TP53BP2: variants seen among roughly 807,000 people sequenced by gnomAD.
TP53BP2 encodes apoptosis-stimulating of p53 protein 2.
Under a neutral mutation model 126.2 loss-of-function variants are expected in TP53BP2, and 62 were observed. The observed-to-expected ratio is 0.49, with a 90% CI of 0.40 to 0.61. TP53BP2 has a LOEUF of 0.61. Among genes scored for constraint, TP53BP2 ranks in the 20% least tolerant of loss-of-function variants. TP53BP2 has a pLI of 0.00. For missense variants in TP53BP2, 1,215 were observed against 1,402.8 expected (o/e 0.87, Z 2.14); for synonymous variants, 485 against 502.9 (o/e 0.96, Z 0.48).
At chr1:223,786,129 A>G (rs958561145) in intron 16 of TP53BP2, among the ~76,000 whole-genome samples, 2 of 152,260 alleles carry the variant, frequency 1.3e-5, no homozygotes, top group Admixed American at 6.5e-5. Context: ...ACCATGTTGA[A>G]TGAGAAAAGC....
chr1:223,802,077 G>A (rs2102852558), intron 9 of TP53BP2, 39 bp downstream of exon 9: 1 of 1,571,720 alleles, frequency 6.4e-7, no homozygotes, highest in Middle Eastern at 1.7e-4. Flanking sequence ...AGAAAGAATA[G>A]TGGGGACAGG....
rs1662399928 is a variant in TP53BP2, at chr1:223,798,250, G to T, written c.1913C>A (p.Thr638Asn). ...NFQQAVQSAL[T>N]KTHTRGPHFS... is the part of the protein sequence containing the mutation. The stretch of plus-strand genomic sequence containing the variant: ...GTGTGGCCCTCTGGTATGAGTCTTG[G>T]TCAACGCGCTCTGCACAGCCTGCTG... Residue 638 changes from threonine (T) to asparagine (N), a missense_variant, in exon 12 of 18, where the codon ACC becomes AAC. Thr to Asn is a moderately conservative substitution (Grantham distance 65, BLOSUM62 0). This residue lies in a region of TP53BP2 where 814 missense variants were observed against 853.0 expected (regional missense o/e 0.95). Transcript: ENST00000343537. The T allele has an allele frequency of 6.2e-7, 1 of 1,614,010 alleles. No individual in the cohort carries two copies. The highest frequency in any genetic ancestry group is 1.3e-5 in the African/African-American group (1 of 74,916).
chr1:223,809,189 T>C (rs1662826164), intron 4 of TP53BP2, among the ~76,000 whole-genome samples: 3 of 152,176 alleles, frequency 2.0e-5, no homozygotes, highest in Admixed American at 2.0e-4. Context: ...AGAAGATACA[T>C]TGTGTCCATA....
chr1:223,839,433 T>A (rs567966144), intron 1 of TP53BP2, among the ~76,000 whole-genome samples: 1 of 152,202 alleles, frequency 6.6e-6, no homozygotes, highest in Non-Finnish European at 1.5e-5. Flanking sequence ...TGCTTTTACA[T>A]ATAAATTGTT....
chr1:223,782,883 G>C (rs1227476376), intron 17 of TP53BP2, among the ~76,000 whole-genome samples: 1 of 152,080 alleles, frequency 6.6e-6, no homozygotes, highest in Non-Finnish European at 1.5e-5. Context: ...ATTATGAAAT[G>C]GTTATTTCAT....
intron 2 of TP53BP2, among the ~76,000 whole-genome samples, chr1:223,819,052 G>A (rs551314163): frequency 6.7e-4 from 102 of 151,794 alleles, no homozygotes; most frequent in African/African-American, 2.3e-3. Context: ...GCGTGGTGGC[G>A]TATGCCTGTA....
intron 17 of TP53BP2, among the ~76,000 whole-genome samples, chr1:223,783,623 A>G (rs533474962): frequency 2.6e-5 from 4 of 152,306 alleles, no homozygotes; most frequent in African/African-American, 9.6e-5. Context: ...TCCCCTGAAA[A>G]TACTCCAGGA....
chr1:223,802,692 T>C, intron 8 of TP53BP2, 39 bp downstream of exon 8: 1 of 1,609,598 alleles, frequency 6.2e-7, no homozygotes, highest in Non-Finnish European at 8.5e-7. Flanking sequence ...GTCATCTTTT[T>C]CCCTCCTCCC....
At position 223,796,357 on chromosome 1, in the gene TP53BP2, G is replaced by A. The variant is rs1340127259; in HGVS notation, c.2182C>T (p.Arg728Ter). 2.5e-6 allele frequency: 4 copies of A among 1,614,022 alleles called. No homozygotes were observed. The highest frequency in any genetic ancestry group is 3.4e-6 in the Non-Finnish European group (4 of 1,180,036). Residue 728 changes from arginine (R) to a stop codon, truncating the protein, a stop_gained, in exon 13 of 18, where the codon CGA (arginine) becomes TGA (stop). Transcript: ENST00000343537. LOFTEE classifies it high-confidence loss of function. The surrounding 1 kb of genome is among the most constrained non-coding windows in gnomAD (Gnocchi z 4.2). ...NQSDADLEAL[R>*]KKLSNAPRPL... The stretch of plus-strand genomic sequence containing the variant: ...CTTGGTGCGTTAGACAGTTTCTTTC[G>A]TAAGGCTTCTAGGTCAGCATCACTC...
intron 2 of TP53BP2, among the ~76,000 whole-genome samples, chr1:223,820,429 G>A (rs1432436495): frequency 1.3e-5 from 2 of 152,290 alleles, no homozygotes; most frequent in East Asian, 1.9e-4. Context: ...GTTCTAATCT[G>A]GTTCCTATGT....
At chr1:223,837,604 G>A (rs1336265097) in intron 1 of TP53BP2, among the ~76,000 whole-genome samples, 1 of 134,608 alleles carries the variant, frequency 7.4e-6, no homozygotes, top group East Asian at 2.0e-4. Flanking sequence ...TGGGCCTTAG[G>A]TGTGGTAAAA....
chr1:223,784,904 T>C (rs771741961), intron 16 of TP53BP2, among the ~76,000 whole-genome samples: 3 of 152,166 alleles, frequency 2.0e-5, no homozygotes, highest in Non-Finnish European at 4.4e-5. Context: ...AACTCTAATA[T>C]AGTAAGAATC....
chr1:223,805,277 G>T lies in TP53BP2; in HGVS notation c.475-929C>A, dbSNP rs562781986. On this transcript the variant is annotated intron_variant, in intron 5 of 17. Transcript: ENST00000343537. ...CTCAAAAGAAAAAAAAACCCACAAG[G>T]ACTTGTTTTTAAGTCCTTGAAGACT... Among the ~76,000 whole-genome samples, 6 of 152,122 alleles carry T rather than the reference G, an allele frequency of 3.9e-5. No homozygotes were observed. In the South Asian group the frequency reaches 1.2e-3, roughly 32 times the overall value.
At chr1:223,830,518 T>C (rs1303711517) in intron 1 of TP53BP2, among the ~76,000 whole-genome samples, 1 of 151,832 alleles carries the variant, frequency 6.6e-6, no homozygotes, top group Admixed American at 6.6e-5. Context: ...CTCATGACCT[T>C]ACTCCTGGGA....
chr1:223,819,468 C>T (rs190726768), intron 2 of TP53BP2, among the ~76,000 whole-genome samples: 2 of 152,106 alleles, frequency 1.3e-5, no homozygotes, highest in Admixed American at 6.5e-5. Context: ...GGGTGGATCA[C>T]GAGGTCAGGA....
chr1:223,845,556 C>G lies in TP53BP2; in HGVS notation c.27+98G>C, dbSNP rs1033579081. On this transcript the variant is annotated intron_variant, in intron 1 of 17. Transcript: ENST00000343537. ...GCCCCTCCGCGCGGGCTGCGGCCCC[C>G]AGGCTCCTTCCCCGACGCGCCCGAG... 3.1e-6 allele frequency: 4 copies of G among 1,291,592 alleles called. No homozygotes were observed. In the African/African-American group the frequency reaches 4.9e-5, roughly 16 times the overall value. 80.0% of individuals were successfully genotyped at this position (1,291,592 alleles called of 1,614,324 possible). A position where few individuals can be genotyped will look rare whatever the true frequency, so the allele number is the denominator to read the frequency against.
At chr1:223,843,796 T>C (rs181129519) in intron 1 of TP53BP2, among the ~76,000 whole-genome samples, 65 of 152,186 alleles carry the variant, frequency 4.3e-4, no homozygotes, top group African/African-American at 4.8e-4. Flanking sequence ...ATATACTTAA[T>C]AAAAGTTTTA....
intron 1 of TP53BP2, 177 bp from the exon 2 acceptor site, chr1:223,821,544 C>T: frequency 1.2e-6 from 1 of 807,316 alleles, no homozygotes; most frequent in Non-Finnish European, 2.2e-6. Context: ...AGACCTGGAG[C>T]CCAGCCCCTA....
intron 5 of TP53BP2, among the ~76,000 whole-genome samples, chr1:223,804,755 A>C (rs1387196448): frequency 6.6e-6 from 1 of 152,220 alleles, no homozygotes; most frequent in Admixed American, 6.5e-5. Flanking sequence ...TCTACCACTT[A>C]TTAGCTATGA....
Sources: gnomAD v4.1 joint callset for allele counts (sites outside exome capture counted in the v4.1 genomes callset) on GRCh38, gnomAD v4.1.1 for gene constraint, gnomAD v4.1.1 regional missense constraint, Gnocchi (gnomAD v3.1) non-coding constraint, MANE v1.5 for transcripts, NCBI Gene and HGNC (gene_info 2026-07-23, HGNC 2026-07-21) for gene names.